Variants in EMILIN2 observed in about 807,000 individuals in gnomAD.
EMILIN2 encodes the protein EMILIN-2.
Under a neutral mutation model 87.1 loss-of-function variants are expected in EMILIN2, and 71 were observed. That is an observed-to-expected ratio of 0.82 (90% CI 0.67 to 0.99). The LOEUF (loss-of-function observed/expected upper bound fraction) is 0.99. Among genes scored for constraint, EMILIN2 ranks in the 50% least tolerant of loss-of-function variants. EMILIN2 has a pLI of 0.00. For synonymous variants in EMILIN2, 581 were observed against 563.4 expected (o/e 1.03, Z -0.44); for missense variants, 1,407 against 1,371.8 (o/e 1.03, Z -0.40).
rs1382156616 is a variant in EMILIN2, at chr18:2,891,864, C to CT, written c.1737_1738insT (p.Leu580SerfsTer30). Reference sequence around the variant, plus strand: ...GGGAAGACCGCGCAGTACGCGACAGCCTGCACCTTTTGAAATCTCTCAACG... The same window carrying CT: ...GGGAAGACCGCGCAGTACGCGACAGCTCTGCACCTTTTGAAATCTCTCAACG... On this transcript the variant is annotated frameshift_variant, in exon 4 of 8. Transcript: ENST00000254528. LOFTEE classifies it high-confidence loss of function. This position sits in a 1 kb window ranked among gnomAD's most constrained non-coding sequence, Gnocchi z 4.6. The CT allele has an allele frequency of 1.2e-6, 2 of 1,614,250 alleles. No homozygotes were observed. The highest frequency in any genetic ancestry group is 1.7e-6 in the Non-Finnish European group (2 of 1,180,052).
chr18:2,875,315 C>T (rs1057280924), intron 2 of EMILIN2, among the ~76,000 whole-genome samples: 3 of 152,192 alleles, frequency 2.0e-5, no homozygotes, highest in Non-Finnish European at 4.4e-5. Context: ...ACGCTCATGG[C>T]TCAGGCCAGC....
chr18:2,899,561 G>A (rs1021913561), intron 4 of EMILIN2, among the ~76,000 whole-genome samples: 1 of 151,956 alleles, frequency 6.6e-6, no homozygotes, highest in Non-Finnish European at 1.5e-5. Flanking sequence ...CTGGAGTGCA[G>A]TGGCACAATC....
chr18:2,857,895 C>A (rs377640703), intron 2 of EMILIN2, among the ~76,000 whole-genome samples: 59 of 152,288 alleles, frequency 3.9e-4, no homozygotes, highest in African/African-American at 1.4e-3. Flanking sequence ...ATGGGCAATG[C>A]GCCCTTTCCC....
At chr18:2,895,206 C>T (rs1056326673) in intron 4 of EMILIN2, among the ~76,000 whole-genome samples, 2 of 151,792 alleles carry the variant, frequency 1.3e-5, no homozygotes, top group African/African-American at 2.4e-5. Context: ...CAGAGAAGCA[C>T]CCACAGTGGA....
intron 5 of EMILIN2, 24 bp from the exon 6 acceptor site, chr18:2,908,919 T>C (rs1275851998): frequency 1.1e-5 from 17 of 1,613,700 alleles, no homozygotes; most frequent in African/African-American, 1.3e-5. Flanking sequence ...TTGTTTGACA[T>C]GCCATTTCCT....
intron 2 of EMILIN2, among the ~76,000 whole-genome samples, chr18:2,868,686 C>G (rs1295374622): frequency 6.6e-6 from 1 of 152,246 alleles, no homozygotes. Flanking sequence ...ATCGCAGGCA[C>G]TCGGCAGGCT....
intron 2 of EMILIN2, among the ~76,000 whole-genome samples, chr18:2,879,385 G>T (rs996991182): frequency 6.6e-6 from 1 of 152,198 alleles, no homozygotes; most frequent in African/African-American, 2.4e-5. Flanking sequence ...CATGCCAGGC[G>T]CAGTAGCTCA....
intron 2 of EMILIN2, among the ~76,000 whole-genome samples, chr18:2,873,622 G>A (rs1337728185): frequency 6.8e-6 from 1 of 146,756 alleles, no homozygotes; most frequent in Non-Finnish European, 1.5e-5. Flanking sequence ...CAGGAGAATG[G>A]CGTGAACCCG....
intron 7 of EMILIN2, among the ~76,000 whole-genome samples, 195 bp from the exon 8 acceptor site, chr18:2,912,872 T>C (rs1264851604): frequency 1.3e-5 from 2 of 152,136 alleles, no homozygotes; most frequent in Non-Finnish European, 2.9e-5. Flanking sequence ...TGGTATGGGC[T>C]AAGGTGGCCT....
At position 2,909,072 on chromosome 18, in the gene EMILIN2, C is replaced by A. The variant is rs1598507148; in HGVS notation, c.2695+97C>A. 1.9e-5 allele frequency: 28 copies of A among 1,472,068 alleles called. No homozygotes were observed. In the East Asian group the frequency reaches 6.3e-4, roughly 33 times the overall value. 91.2% of individuals were successfully genotyped at this position (1,472,068 alleles called of 1,614,324 possible). A position where few individuals can be genotyped will look rare whatever the true frequency, so the allele number is the denominator to read the frequency against. On this transcript the variant is annotated intron_variant, in intron 6 of 7. Coordinates refer to ENST00000254528, the MANE Select transcript of EMILIN2 (RefSeq NM_032048.3). ...CTGCCTCCTCCCTCCAGGCTATTAGCACAAATCAAGCCTGGGCCCAGCCCT... is the reference window on the plus strand; with the variant it reads ...CTGCCTCCTCCCTCCAGGCTATTAGAACAAATCAAGCCTGGGCCCAGCCCT...
At chr18:2,855,378 A>G (rs561078038) in intron 2 of EMILIN2, among the ~76,000 whole-genome samples, 1 of 152,358 alleles carries the variant, frequency 6.6e-6, no homozygotes, top group Admixed American at 6.5e-5. Context: ...GGCCTTGGAA[A>G]AAGAACTTCA....
At position 2,889,142 on chromosome 18, in the gene EMILIN2, T is replaced by C. The variant is rs28379335; in HGVS notation, c.434-1419T>C. Among the ~76,000 whole-genome samples, 470 of 132,972 alleles carry C rather than the reference T, an allele frequency of 3.5e-3. 1 individual carries two copies. The highest frequency in any genetic ancestry group is 0.014 in the African/African-American group (444 of 31,798). The allele number at this position is 132,972 out of a possible 152,430, so 87.2% of individuals were successfully genotyped here. On this transcript the variant is annotated intron_variant, in intron 3 of 7. Transcript: ENST00000254528. ...TTCATTTCTTTCTTTTCTTTTTTTT[T>C]TTTTTTTTTTTTTGAGACAGGGTCT...
chr18:2,899,370 C>T (rs996056884), intron 4 of EMILIN2, among the ~76,000 whole-genome samples: 3 of 152,144 alleles, frequency 2.0e-5, no homozygotes, highest in Non-Finnish European at 4.4e-5. Flanking sequence ...CTTACGGACT[C>T]GATTCTGTTC....
chr18:2,907,809 G>A (rs2076921935), intron 5 of EMILIN2, among the ~76,000 whole-genome samples: 2 of 152,212 alleles, frequency 1.3e-5, no homozygotes, highest in South Asian at 2.1e-4. Flanking sequence ...GAGATTTGTG[G>A]CTATAACAGA....
chr18:2,907,180 C>T, intron 5 of EMILIN2, 95 bp downstream of exon 5: 1 of 1,189,262 alleles, frequency 8.4e-7, no homozygotes, highest in Middle Eastern at 3.3e-4. Context: ...GGTTCGGGGT[C>T]CAGCCTTCGG....
chr18:2,881,928 G>A (rs1442181691), intron 2 of EMILIN2, among the ~76,000 whole-genome samples: 1 of 152,136 alleles, frequency 6.6e-6, no homozygotes, highest in African/African-American at 2.4e-5. Flanking sequence ...GCTCAGGAAT[G>A]GGTTGGCCGA....
At chr18:2,882,996 T>C (rs562356859) in intron 2 of EMILIN2, among the ~76,000 whole-genome samples, 3 of 152,108 alleles carry the variant, frequency 2.0e-5, no homozygotes, top group Admixed American at 2.0e-4. Context: ...ACCATGATTG[T>C]ACCACTGCAC....
chr18:2,910,767 TGTCTGG>T (rs1476680804), intron 7 of EMILIN2, among the ~76,000 whole-genome samples: 2 of 152,230 alleles, frequency 1.3e-5, no homozygotes, highest in Non-Finnish European at 2.9e-5. Context: ...GTCTAGTCAC[TGTCTGG>T]CTAAATCCCA....
chr18:2,898,996 T>C (rs1327079098), intron 4 of EMILIN2, among the ~76,000 whole-genome samples: 3 of 152,206 alleles, frequency 2.0e-5, no homozygotes, highest in South Asian at 2.1e-4. Flanking sequence ...GCTGCTCTAC[T>C]GCATCTTAGC....
Sources: allele counts gnomAD v4.1 joint callset (sites outside exome capture counted in the v4.1 genomes callset), GRCh38; gene constraint gnomAD v4.1.1; non-coding constraint Gnocchi (gnomAD v3.1); transcripts MANE v1.5; gene names NCBI Gene and HGNC (gene_info 2026-07-23, HGNC 2026-07-21).